LINGO2: variants seen among roughly 807,000 people sequenced by gnomAD.
The protein encoded by LINGO2 is leucine-rich repeat and immunoglobulin-like domain-containing nogo receptor-interacting protein 2.
In LINGO2, 14 loss-of-function variants were observed where a neutral mutation model predicts 30.6. That is an observed-to-expected ratio of 0.46 (90% CI 0.30 to 0.72). LINGO2 has a LOEUF of 0.72. Ranked by LOEUF, LINGO2 falls within the 30% of genes least tolerant of loss-of-function variation. The probability of loss-of-function intolerance (pLI) is 0.07; values close to 1 mark genes in which losing one functional copy is unlikely to be tolerated. For missense variants in LINGO2, 729 were observed against 751.7 expected (o/e 0.97, Z 0.35); for synonymous variants, 317 against 288.5 (o/e 1.10, Z -1.00).
At chr9:28,101,992 A>G (rs994826854) in intron 4 of LINGO2, among the ~76,000 whole-genome samples, 1 of 152,076 alleles carries the variant, frequency 6.6e-6, no homozygotes, top group Non-Finnish European at 1.5e-5. Flanking sequence ...TGACAAATAT[A>G]AGCTTCTGCC....
chr9:27,970,399 C>A (rs1047266051), intron 5 of LINGO2, among the ~76,000 whole-genome samples: 2 of 152,238 alleles, frequency 1.3e-5, no homozygotes, highest in African/African-American at 4.8e-5. Context: ...TCTGAAGAAA[C>A]GTATCTTTCT....
intron 4 of LINGO2, among the ~76,000 whole-genome samples, chr9:28,221,297 C>G (rs1318227753): frequency 5.1e-5 from 3 of 59,396 alleles, no homozygotes; most frequent in Non-Finnish European, 9.6e-5. Flanking sequence ...CAGACCCCGT[C>G]TAAAAAAAAA....
chr9:28,324,670 T>C (rs1018623125), intron 3 of LINGO2, among the ~76,000 whole-genome samples: 3 of 152,084 alleles, frequency 2.0e-5, no homozygotes, highest in African/African-American at 7.2e-5. Flanking sequence ...ACAAACACCA[T>C]GGCAACATCA....
intron 1 of LINGO2, among the ~76,000 whole-genome samples, chr9:28,638,720 A>T (rs1048605017): frequency 4.0e-5 from 6 of 151,616 alleles, no homozygotes; most frequent in African/African-American, 1.5e-4. Context: ...TTTCTTCTTT[A>T]TTAGTCTTGC....
chr9:28,348,679 C>T (rs1819702475), intron 3 of LINGO2, among the ~76,000 whole-genome samples: 1 of 152,018 alleles, frequency 6.6e-6, no homozygotes, highest in Non-Finnish European at 1.5e-5. Context: ...CCTCTGTAGG[C>T]TCCACCTCTG....
the LINGO2 span, among the ~76,000 whole-genome samples, chr9:28,990,671 C>A: frequency 6.6e-6 from 1 of 152,134 alleles, no homozygotes; most frequent in Non-Finnish European, 1.5e-5. Context: ...TCCAGAGGAA[C>A]GATCAGACAG....
chr9:28,250,062 A>G (rs1822142188), intron 4 of LINGO2, among the ~76,000 whole-genome samples: 1 of 152,150 alleles, frequency 6.6e-6, no homozygotes, highest in South Asian at 2.1e-4. Flanking sequence ...TTTATTACTG[A>G]CACCAAAAGG....
chr9:28,120,541 C>T (rs1827065240), intron 4 of LINGO2, among the ~76,000 whole-genome samples: 1 of 152,200 alleles, frequency 6.6e-6, no homozygotes, highest in Non-Finnish European at 1.5e-5. Flanking sequence ...GGGTCCTTTT[C>T]TGGGACCCAC....
At chr9:29,109,323 T>C in the LINGO2 span, among the ~76,000 whole-genome samples, 1 of 152,178 alleles carries the variant, frequency 6.6e-6, no homozygotes, top group Admixed American at 6.5e-5. Flanking sequence ...AAATACTTTA[T>C]GTTAAATCTA....
the LINGO2 span, among the ~76,000 whole-genome samples, chr9:29,017,523 TG>T: frequency 2.6e-5 from 4 of 152,068 alleles, no homozygotes; most frequent in Non-Finnish European, 4.4e-5. Flanking sequence ...GTCAAGATGG[TG>T]GACTAGAAGC....
intron 4 of LINGO2, among the ~76,000 whole-genome samples, chr9:28,033,451 T>TGCA (rs1376681236): frequency 5.9e-5 from 9 of 152,138 alleles, no homozygotes; most frequent in Non-Finnish European, 8.8e-5. Flanking sequence ...CTGAAACCTG[T>TGCA]GCAGGAGAGA....
chr9:29,036,611 G>A, the LINGO2 span, among the ~76,000 whole-genome samples: 1 of 151,910 alleles, frequency 6.6e-6, no homozygotes, highest in African/African-American at 2.4e-5. Context: ...GTGTACTTTG[G>A]GAGAGATCGG....
chr9:27,979,938 AATCAT>A (rs1820776125), intron 5 of LINGO2, among the ~76,000 whole-genome samples: 1 of 151,972 alleles, frequency 6.6e-6, no homozygotes, highest in Non-Finnish European at 1.5e-5. Flanking sequence ...GAGGAGGAAG[AATCAT>A]ATCTCATGTG....
chr9:28,610,794 C>A (rs1825884061), intron 1 of LINGO2, among the ~76,000 whole-genome samples: 1 of 152,174 alleles, frequency 6.6e-6, no homozygotes, highest in East Asian at 1.9e-4. Context: ...GAAGGTGTAA[C>A]ACTCTTTGGG....
At chr9:28,760,027 C>G in the LINGO2 span, among the ~76,000 whole-genome samples, 70 of 152,078 alleles carry the variant, frequency 4.6e-4, no homozygotes, top group African/African-American at 1.6e-3. Flanking sequence ...TTCCCACACT[C>G]AAGAAACTTA....
intron 1 of LINGO2, among the ~76,000 whole-genome samples, chr9:28,527,068 CAT>C (rs1821064934): frequency 4.6e-5 from 7 of 152,190 alleles, no homozygotes; most frequent in Admixed American, 3.9e-4. Flanking sequence ...TTTCTAGAAA[CAT>C]GTTTGTTTTC....
chr9:28,916,079 C>A, the LINGO2 span, among the ~76,000 whole-genome samples: 9 of 152,206 alleles, frequency 5.9e-5, no homozygotes, highest in African/African-American at 1.9e-4. Flanking sequence ...GTCAGACATG[C>A]CTTCCTTACA....
chr9:28,300,990 G>A (rs140701158), intron 3 of LINGO2, among the ~76,000 whole-genome samples: 3,478 of 151,748 alleles, frequency 0.023, 126 homozygotes, highest in African/African-American at 0.079. Flanking sequence ...TTATCATTAG[G>A]CAGTTTCCAA....
intron 1 of LINGO2, among the ~76,000 whole-genome samples, chr9:28,636,672 G>GT (rs201718422): frequency 6.6e-6 from 1 of 151,956 alleles, no homozygotes; most frequent in Non-Finnish European, 1.5e-5. Context: ...TGATGGGGTT[G>GT]TTTTTTTCTT....
Sources: allele counts gnomAD v4.1 joint callset (sites outside exome capture counted in the v4.1 genomes callset), GRCh38; gene constraint gnomAD v4.1.1; transcripts MANE v1.5; gene names NCBI Gene and HGNC (gene_info 2026-07-23, HGNC 2026-07-21).